The following NF1 variants were observed in gnomAD, a reference collection of about 807,000 sequenced individuals.
The protein encoded by NF1 is neurofibromin 1, also known as neurofibromin.
A neutral mutation model predicts 325.7 loss-of-function variants in NF1; 122 were observed. The observed-to-expected ratio is 0.37, with a 90% CI of 0.32 to 0.44. The LOEUF (loss-of-function observed/expected upper bound fraction) is 0.44. Among genes scored for constraint, NF1 ranks in the 20% least tolerant of loss-of-function variants. The pLI is 1.00. For synonymous variants in NF1, 1,091 were observed against 1,186.0 expected (o/e 0.92, Z 1.65); for missense variants, 2,140 against 3,415.4 (o/e 0.63, Z 9.31).
intron 36 of NF1, chr17:31,318,946 G>C: frequency 6.2e-7 from 1 of 1,613,596 alleles, no homozygotes; most frequent in African/African-American, 1.3e-5. Flanking sequence ...AGGAGACAAA[G>C]AAAAAACTGT....
Position 31,230,278 on chromosome 17 carries a change from G to A in NF1, c.3009G>A (p.Gly1003=), listed in dbSNP as rs780895334. Residue 1003 remains glycine, a synonymous_variant, in exon 23 of 58, where the codon GGG becomes GGA. Transcript: ENST00000358273. The part of the protein sequence containing the change: ...LNLVRYVRVL[G]NMVHAIQIKT... ...TATATAGGTATGTTCGTGTGCTTGG[G>A]AATATGGTCCATGCAATTCAAATAA... The A allele has an allele frequency of 3.7e-6, 6 of 1,610,712 alleles. No individual in the cohort carries two copies. Among genetic ancestry groups the A allele is most frequent in the South Asian group, 3.3e-5 (3 of 91,004 alleles).
At chr17:31,153,650 A>G (rs534840117) in intron 1 of NF1, among the ~76,000 whole-genome samples, 1 of 152,016 alleles carries the variant, frequency 6.6e-6, no homozygotes, top group African/African-American at 2.4e-5. Flanking sequence ...CAGACACAGG[A>G]TCTCGCTCTG....
intron 57 of NF1, among the ~76,000 whole-genome samples, chr17:31,371,269 G>A (rs576031949): frequency 5.1e-4 from 78 of 152,280 alleles, no homozygotes. Context: ...AGAGGAAGAT[G>A]GATGTACAAG....
chr17:31,242,453 CT>C (rs1373880304), intron 29 of NF1, among the ~76,000 whole-genome samples: 12 of 151,544 alleles, frequency 7.9e-5, no homozygotes, highest in Non-Finnish European at 2.9e-5. Context: ...TCTTTTGAGG[CT>C]GTTTTCTAGA....
In NF1 at chr17:31,225,140, G is replaced by A. The variant is rs757424379; in HGVS notation, c.1891G>A (p.Gly631Arg). The A allele has an allele frequency of 7.4e-6, 12 of 1,613,630 alleles. No homozygotes were observed. Among genetic ancestry groups the A allele is most frequent in the Middle Eastern group, 3.3e-4 (2 of 6,082 alleles). ...SCHFLLFYGV[G>R]CDIPSSGNTS... ...TCACTTTCTCCTTTTTTACGGGGTA[G>A]GATGTGATATTCCTTCTAGTGGAAA... is the stretch of plus-strand genomic sequence containing the variant. The change falls in exon 17 of 58, where the codon GGA (glycine) becomes AGA (arginine). Residue 631 changes from glycine to arginine, a missense_variant. This residue lies in a region of NF1 where 45 missense variants were observed against 42.5 expected (regional missense o/e 1.06). Coordinates refer to ENST00000358273, the MANE Select transcript of NF1 (RefSeq NM_001042492.3).
intron 1 of NF1, among the ~76,000 whole-genome samples, chr17:31,120,786 T>TAAAAA (rs57465655): frequency 7.0e-6 from 1 of 143,170 alleles, no homozygotes; most frequent in South Asian, 2.2e-4. Flanking sequence ...TTAAAGTATT[T>TAAAAA]AAAAAAAAAA....
intron 15 of NF1, chr17:31,222,160 C>G (rs2066935776): frequency 1.6e-6 from 2 of 1,250,642 alleles, no homozygotes; most frequent in African/African-American, 1.6e-5. Flanking sequence ...ATTTTGTCAC[C>G]CTAACATAAG....
chr17:31,194,695 C>A (rs1157892091), intron 8 of NF1, among the ~76,000 whole-genome samples: 1 of 152,032 alleles, frequency 6.6e-6, no homozygotes, highest in East Asian at 1.9e-4. Context: ...GGGCCCTGAA[C>A]TCTAGTTTTA....
intron 8 of NF1, among the ~76,000 whole-genome samples, chr17:31,183,945 G>A (rs1005355622): frequency 6.6e-6 from 1 of 152,082 alleles, no homozygotes; most frequent in African/African-American, 2.4e-5. Flanking sequence ...CCTTGTGATC[G>A]TGCTAGTTAA....
In NF1 at chr17:31,170,067, TTA is replaced by T. The variant is rs538345743; in HGVS notation, c.586+74_586+75del. 9 of 963,284 alleles carry T rather than the reference TTA, an allele frequency of 9.3e-6. No individual in the cohort carries two copies. The African/African-American group carries it at 1.3e-4, about 14-fold the overall frequency. 59.7% of individuals were successfully genotyped at this position (963,284 alleles called of 1,614,324 possible). On this transcript the variant is annotated intron_variant, in intron 5 of 57. Transcript: ENST00000358273. ...AAAACTAGTATCATGAATGTACTAA[TTA>T]TATTAATTGTGCTGAACTAGAACAC...
At chr17:31,364,129 T>C (rs374141654) in intron 57 of NF1, among the ~76,000 whole-genome samples, 169 of 152,332 alleles carry the variant, frequency 1.1e-3, no homozygotes, top group African/African-American at 3.8e-3. Flanking sequence ...GCGTTTCAAC[T>C]TTGCTGTTTA....
intron 8 of NF1, among the ~76,000 whole-genome samples, chr17:31,189,429 C>A (rs191031078): frequency 6.6e-6 from 1 of 152,142 alleles, no homozygotes; most frequent in Admixed American, 6.5e-5. Context: ...GTGTAAAATT[C>A]AGCGATTTTA....
At chr17:31,294,322 A>C (rs2068414587) in intron 36 of NF1, among the ~76,000 whole-genome samples, 2 of 152,206 alleles carry the variant, frequency 1.3e-5, no homozygotes, top group African/African-American at 4.8e-5. Flanking sequence ...CACAACCGTT[A>C]AACTTTTCTT....
Position 31,281,036 on chromosome 17 carries a change from A to G in NF1, c.4835+15697A>G, listed in dbSNP as rs143866183. 7.9e-5 allele frequency among the ~76,000 whole-genome samples: 12 copies of G among 152,308 alleles called. No homozygotes were observed. The East Asian group carries it at 2.3e-3, about 29-fold the overall frequency. On this transcript the variant is annotated intron_variant, in intron 36 of 57. Coordinates refer to ENST00000358273, the MANE Select transcript of NF1 (RefSeq NM_001042492.3). ...TGTTTCATGTAGCACCCAATCATATATGTACTACATTTCAAAAAGTCACTG... is the reference window on the plus strand; with the variant it reads ...TGTTTCATGTAGCACCCAATCATATGTGTACTACATTTCAAAAAGTCACTG...
rs954108276 is a variant in NF1 at position 31,334,728 on chromosome 17, T to C, written c.5813-110T>C. On this transcript the variant is annotated intron_variant, in intron 39 of 57. Transcript: ENST00000358273. ...AGTGTCTTTTCTCCAGGCCTGATTC[T>C]AGGTAATAGTCTTTACCTTTTACCA... is the stretch of plus-strand genomic sequence containing the variant. 6 of 824,238 alleles carry C rather than the reference T, an allele frequency of 7.3e-6. No individual in the cohort carries two copies. In the African/African-American group the frequency reaches 1.0e-4, roughly 14 times the overall value. The allele number at this position is 824,238 out of a possible 1,614,324, so 51.1% of individuals were successfully genotyped here.
At chr17:31,334,121 C>T (rs1286814786) in intron 39 of NF1, among the ~76,000 whole-genome samples, 2 of 151,982 alleles carry the variant, frequency 1.3e-5, no homozygotes, top group Non-Finnish European at 2.9e-5. Flanking sequence ...CCCGTCTCTA[C>T]TCAAAATATG....
chr17:31,202,818 C>CAAAA (rs1037082544), intron 11 of NF1, among the ~76,000 whole-genome samples: 7 of 152,128 alleles, frequency 4.6e-5, no homozygotes, highest in African/African-American at 1.7e-4. Flanking sequence ...AATCACTGTA[C>CAAAA]TTTTGTCAGC....
At chr17:31,153,895 T>C (rs987308830) in intron 1 of NF1, among the ~76,000 whole-genome samples, 6 of 152,000 alleles carry the variant, frequency 3.9e-5, no homozygotes, top group Non-Finnish European at 8.8e-5. Context: ...ATTACAGGCA[T>C]GAGCCATTGC....
intron 8 of NF1, among the ~76,000 whole-genome samples, chr17:31,196,848 G>T (rs2066442184): frequency 6.6e-6 from 1 of 152,160 alleles, no homozygotes; most frequent in Admixed American, 6.5e-5. Context: ...GGTCATATGT[G>T]TGAGGGTTTC....
Sources: allele counts gnomAD v4.1 joint callset (sites outside exome capture counted in the v4.1 genomes callset), GRCh38; gene constraint gnomAD v4.1.1; regional missense constraint gnomAD v4.1.1; transcripts MANE v1.5; gene names NCBI Gene and HGNC (gene_info 2026-07-23, HGNC 2026-07-21).